The following GATA4 variants were observed in gnomAD, a reference collection of about 807,000 sequenced individuals.
GATA4 encodes the protein GATA binding protein 4, also known as transcription factor GATA-4.
In GATA4, 7 loss-of-function variants were observed where a neutral mutation model predicts 37.9. The observed-to-expected ratio is 0.18, with a 90% confidence interval of 0.11 to 0.35. GATA4 has a LOEUF of 0.35. Among genes scored for constraint, GATA4 ranks in the 10% least tolerant of loss-of-function variants. The pLI, the probability that GATA4 is intolerant of heterozygous loss-of-function variation, is 1.00. For missense variants in GATA4, 647 were observed against 653.0 expected, an observed-to-expected ratio of 0.99 and a Z score of 0.10; for synonymous variants, 372 against 292.6, an observed-to-expected ratio of 1.27 and a Z score of -2.77.
chr8:11,730,260 C>T (rs1801141455), intron 2 of GATA4, among the ~76,000 whole-genome samples: 1 of 152,152 alleles, frequency 6.6e-6, no homozygotes, highest in African/African-American at 2.4e-5. Flanking sequence ...GCTGTCTTCG[C>T]TGCAGGAGTG....
intron 1 of GATA4, among the ~76,000 whole-genome samples, chr8:11,677,279 G>T (rs1180556738): frequency 6.6e-6 from 1 of 152,206 alleles, no homozygotes; most frequent in African/African-American, 2.4e-5. Context: ...GAAGGATGAG[G>T]CTCTGTGAAG....
intron 5 of GATA4, 75 bp downstream of exon 5, chr8:11,755,208 G>C: frequency 7.8e-7 from 1 of 1,289,198 alleles, no homozygotes; most frequent in Non-Finnish European, 1.1e-6. Flanking sequence ...ATATCTTCCG[G>C]GTTAGGCAGG....
chr8:11,694,763 T>G (rs1799454906), intron 1 of GATA4, among the ~76,000 whole-genome samples: 2 of 152,184 alleles, frequency 1.3e-5, no homozygotes, highest in Admixed American at 1.3e-4. Flanking sequence ...TTTTCTTCCA[T>G]GATCACAGAG....
At chr8:11,747,389 G>A (rs954355705) in intron 2 of GATA4, among the ~76,000 whole-genome samples, 1 of 152,206 alleles carries the variant, frequency 6.6e-6, no homozygotes, top group Non-Finnish European at 1.5e-5. Flanking sequence ...GCGGGGAGGG[G>A]TGAGCGAGTG....
chr8:11,688,277 G>C (rs1353765849), upstream of GATA4, among the ~76,000 whole-genome samples: 4 of 152,142 alleles, frequency 2.6e-5, no homozygotes, highest in East Asian at 7.7e-4. Context: ...ATATGAAAAA[G>C]AATAATACTT....
At chr8:11,718,380 C>G (rs1429139896) in intron 2 of GATA4, among the ~76,000 whole-genome samples, 1 of 152,176 alleles carries the variant, frequency 6.6e-6, no homozygotes. Flanking sequence ...CAAGAATTGA[C>G]CTGATGTTTT....
At chr8:11,724,011 C>A (rs1191786030) in intron 2 of GATA4, among the ~76,000 whole-genome samples, 3 of 152,144 alleles carry the variant, frequency 2.0e-5, no homozygotes, top group Non-Finnish European at 2.9e-5. Context: ...CCCCATTGTG[C>A]TTTCTGTCTC....
intron 4 of GATA4, 39 bp from the exon 5 acceptor site, chr8:11,755,007 G>A: frequency 6.6e-7 from 1 of 1,522,780 alleles, no homozygotes; most frequent in Non-Finnish European, 9.1e-7. Flanking sequence ...AGACTACGCA[G>A]AAATGGAAAA....
rs1457183431 is a variant in GATA4, at chr8:11,708,720, C to T, written c.408C>T (p.Gly136=). The change falls in exon 2 of 7, where the codon GGC becomes GGT. Residue 136 remains glycine, a synonymous_variant. Coordinates refer to ENST00000532059, the MANE Select transcript of GATA4 (RefSeq NM_001308093.3). This position sits in a 1 kb window ranked among gnomAD's most constrained non-coding sequence, Gnocchi z 6.7. ...AAGCTGCGGCCTACAGCAGTGGCGGCGGAGCGGCGGGTGCGGGCCTGGCGG... is the reference window on the plus strand; with the variant it reads ...AAGCTGCGGCCTACAGCAGTGGCGGTGGAGCGGCGGGTGCGGGCCTGGCGG... The part of the protein sequence containing the change: ...AREAAAYSSG[G]GAAGAGLAGR... 3 of 1,267,456 alleles carry T rather than the reference C, an allele frequency of 2.4e-6. No individual in the cohort carries two copies. The highest frequency in any genetic ancestry group is 1.6e-5 in the African/African-American group (1 of 63,852). 78.5% of individuals were successfully genotyped at this position (1,267,456 alleles called of 1,614,324 possible).
intron 1 of GATA4, among the ~76,000 whole-genome samples, chr8:11,679,147 G>A (rs1402903252): frequency 1.4e-5 from 2 of 144,588 alleles, no homozygotes; most frequent in African/African-American, 5.0e-5. Flanking sequence ...ACTACACGAA[G>A]TGGAGATTCG....
At chr8:11,685,866 G>A (rs768913383) in intron 1 of GATA4, among the ~76,000 whole-genome samples, 5 of 152,160 alleles carry the variant, frequency 3.3e-5, no homozygotes, top group African/African-American at 7.2e-5. Context: ...TGATTATTCA[G>A]ACCTCAGGGA....
At chr8:11,681,459 G>T (rs915568424) in intron 1 of GATA4, 2 of 981,728 alleles carry the variant, frequency 2.0e-6, no homozygotes, top group Non-Finnish European at 2.4e-6. Context: ...GCCGGAATCC[G>T]GGGCCCGGTC....
chr8:11,723,279 C>T (rs1260491524), intron 2 of GATA4, among the ~76,000 whole-genome samples: 1 of 151,932 alleles, frequency 6.6e-6, no homozygotes, highest in Non-Finnish European at 1.5e-5. Context: ...ATTGCTTGAC[C>T]TGGGAGTTCG....
At chr8:11,678,874 G>T (rs956345293) in intron 1 of GATA4, among the ~76,000 whole-genome samples, 2 of 144,808 alleles carry the variant, frequency 1.4e-5, no homozygotes, top group Non-Finnish European at 3.1e-5. Flanking sequence ...AGTTCGATTA[G>T]GGGGGAGCCT....
intron 2 of GATA4, among the ~76,000 whole-genome samples, chr8:11,739,320 C>G (rs1303050531): frequency 6.6e-6 from 1 of 152,240 alleles, no homozygotes; most frequent in South Asian, 2.1e-4. Flanking sequence ...ACTCATTCCT[C>G]TACCATTGGG....
intron 1 of GATA4, among the ~76,000 whole-genome samples, chr8:11,685,887 G>A (rs1267021471): frequency 6.6e-6 from 1 of 152,196 alleles, no homozygotes; most frequent in Non-Finnish European, 1.5e-5. Flanking sequence ...GGGAGAAAAG[G>A]AGGAGACTTG....
intron 2 of GATA4, among the ~76,000 whole-genome samples, chr8:11,717,137 A>T (rs1800469265): frequency 6.6e-6 from 1 of 152,190 alleles, no homozygotes; most frequent in Non-Finnish European, 1.5e-5. Context: ...TACAACATAA[A>T]CTGGTTACTA....
At position 11,683,726 on chromosome 8, in the gene GATA4, G is replaced by T. The variant is rs186783509; in HGVS notation, c.-274+6663G>T. Among the ~76,000 whole-genome samples, 831 of 152,288 alleles carry T rather than the reference G, an allele frequency of 5.5e-3. 12 individuals carry two copies. Among genetic ancestry groups the T allele is most frequent in the Non-Finnish European group, 4.9e-3 (330 of 68,026 alleles). ...CAGTCCCGCAACTGCTCACTTGTTT[G>T]CCCCAAGACACACAAATCGGAGATG... On this transcript the variant is annotated intron_variant, in intron 1 of 6. Coordinates refer to the GATA4 transcript ENST00000528712.
chr8:11,694,477 C>G, intron 1 of GATA4: 2 of 985,368 alleles, frequency 2.0e-6, no homozygotes, highest in Non-Finnish European at 2.4e-6. Context: ...CTCTCCGAGC[C>G]GTGGACTGCA....
Sources: gnomAD v4.1 joint callset for allele counts (sites outside exome capture counted in the v4.1 genomes callset) on GRCh38, gnomAD v4.1.1 for gene constraint, Gnocchi (gnomAD v3.1) non-coding constraint, MANE v1.5 for transcripts, NCBI Gene and HGNC (gene_info 2026-07-23, HGNC 2026-07-21) for gene names.